RMDN3: variants seen among roughly 807,000 people sequenced by gnomAD.
The protein encoded by RMDN3 is regulator of microtubule dynamics 3.
A neutral mutation model predicts 61.8 loss-of-function variants in RMDN3; 41 were observed. The observed-to-expected ratio is 0.66, with a 90% CI of 0.52 to 0.86. RMDN3 has a LOEUF of 0.86. Among genes scored for constraint, RMDN3 ranks in the 40% least tolerant of loss-of-function variants. The probability of loss-of-function intolerance (pLI) is 0.00; values close to 1 mark genes in which losing one functional copy is unlikely to be tolerated. For missense variants in RMDN3, 557 were observed against 585.3 expected (o/e 0.95, Z 0.50); for synonymous variants, 247 against 232.0 (o/e 1.06, Z -0.59).
chr15:40,737,778 C>G, intron 9 of RMDN3, 52 bp from the exon 10 acceptor site: 1 of 1,567,220 alleles, frequency 6.4e-7, no homozygotes, highest in Non-Finnish European at 8.7e-7. Context: ...GGTTTTTTTT[C>G]TTTAAATCTT....
At chr15:40,739,261 A>T (rs1403949642) in intron 7 of RMDN3, 2 of 152,244 alleles carry the variant, frequency 1.3e-5, no homozygotes, top group Non-Finnish European at 2.9e-5. Flanking sequence ...TTCGATGAGT[A>T]ACCAGCCCAA....
At chr15:40,738,737 G>A (rs1199319099) in intron 7 of RMDN3, 161 bp from the exon 8 acceptor site, 14 of 658,924 alleles carry the variant, frequency 2.1e-5, no homozygotes, top group African/African-American at 5.4e-5. Context: ...CATTCTTTAC[G>A]GACCTCTGGC....
intron 4 of RMDN3, among the ~76,000 whole-genome samples, chr15:40,748,627 T>TAAAGA (rs1452710438): frequency 6.6e-6 from 1 of 152,046 alleles, no homozygotes; most frequent in Non-Finnish European, 1.5e-5. Flanking sequence ...TGGGATGGAG[T>TAAAGA]CTTTCTCTGT....
intron 7 of RMDN3, 138 bp downstream of exon 7, chr15:40,739,995 C>G (rs1250699647): frequency 1.5e-6 from 1 of 675,376 alleles, no homozygotes; most frequent in Non-Finnish European, 2.7e-6. Context: ...TAGACTGAGG[C>G]ATGTGGAGAT....
rs771134109 is a variant in RMDN3 at position 40,745,133 on chromosome 15, T to C, written c.651A>G (p.Glu217=). Residue 217 remains glutamate, a synonymous_variant, in exon 5 of 13, where the codon GAA becomes GAG. Transcript: ENST00000338376. ...CACTGGAGGCACCTGAAGCTGCCTCTTCCTCCAAGTCAAGAGAATCCTTTC... is the reference window on the plus strand; with the variant it reads ...CACTGGAGGCACCTGAAGCTGCCTCCTCCTCCAAGTCAAGAGAATCCTTTC... ...MGRKDSLDLE[E]EAASGASSAL... The C allele has an allele frequency of 1.3e-5, 21 of 1,614,036 alleles. No homozygotes were observed. In the African/African-American group the frequency reaches 2.5e-4, roughly 19 times the overall value.
intron 4 of RMDN3, among the ~76,000 whole-genome samples, chr15:40,748,131 G>A (rs1897654184): frequency 6.6e-6 from 1 of 152,158 alleles, no homozygotes; most frequent in Admixed American, 6.5e-5. Context: ...TCAATCTCCT[G>A]AGACCTCAAA....
intron 4 of RMDN3, among the ~76,000 whole-genome samples, chr15:40,749,544 T>C (rs1157861116): frequency 6.6e-6 from 1 of 152,020 alleles, no homozygotes; most frequent in Non-Finnish European, 1.5e-5. Flanking sequence ...ACAAAAACAG[T>C]TGTGAAGGGC....
chr15:40,748,959 A>C (rs1275151928), intron 4 of RMDN3, among the ~76,000 whole-genome samples: 1 of 150,698 alleles, frequency 6.6e-6, no homozygotes, highest in Non-Finnish European at 1.5e-5. Context: ...GCTGGAGTGC[A>C]GTGGTGCCAT....
intron 2 of RMDN3, among the ~76,000 whole-genome samples, chr15:40,753,653 T>C (rs766868902): frequency 1.3e-5 from 2 of 152,256 alleles, no homozygotes; most frequent in African/African-American, 2.4e-5. Context: ...ATTTCAGCTG[T>C]ACAGGCTGCC....
chr15:40,738,836 ATC>A (rs1897168816), intron 7 of RMDN3: 2 of 528,888 alleles, frequency 3.8e-6, no homozygotes, highest in Non-Finnish European at 6.8e-6. Context: ...ACCACAGTAA[ATC>A]TCTCTTACAC....
chr15:40,742,588 A>G (rs1335412572), intron 6 of RMDN3, among the ~76,000 whole-genome samples: 1 of 152,240 alleles, frequency 6.6e-6, no homozygotes, highest in Non-Finnish European at 1.5e-5. Flanking sequence ...AATAAACTTT[A>G]TACCCAGTAA....
Position 40,745,048 on chromosome 15 carries a change from C to G in RMDN3, c.736G>C (p.Asp246His). Residue 246 changes from aspartate to histidine, a missense_variant, in exon 5 of 13, where the codon GAC becomes CAC. By Grantham distance (81) the Asp-to-His change is moderately conservative (BLOSUM62 -1). Transcript: ENST00000338376. ...EDVLPLLQQADELHRGDEQGK... is the reference protein window; with the variant it reads ...EDVLPLLQQAHELHRGDEQGK... ...TGCTCATCACCCCTGTGCAGCTCGT[C>G]GGCCTGCTGCAGGAGGGGCAGCACA... 6.2e-7 allele frequency: 1 copy of G among 1,614,090 alleles called. No individual in the cohort carries two copies. The highest frequency in any genetic ancestry group is 2.2e-5 in the East Asian group (1 of 44,874).
chr15:40,738,522 G>T lies in RMDN3; in HGVS notation c.1026C>A (p.Ile342=). The T allele has an allele frequency of 6.2e-7, 1 of 1,614,146 alleles. No homozygotes were observed. ...LAEHESIQRR[I]QSGFSFKEHV... ...TCACCTTGAAGCTAAAGCCACTCTGGATGCGCCTCTGGATGCTCTCATGCT... is the reference window on the plus strand; with the variant it reads ...TCACCTTGAAGCTAAAGCCACTCTGTATGCGCCTCTGGATGCTCTCATGCT... Residue 342 remains isoleucine (I), a synonymous_variant, in exon 8 of 13, where the codon ATC becomes ATA. Transcript: ENST00000338376.
At chr15:40,749,592 C>CT (rs1283894816) in intron 4 of RMDN3, among the ~76,000 whole-genome samples, 3 of 152,218 alleles carry the variant, frequency 2.0e-5, no homozygotes, top group Admixed American at 6.5e-5. Flanking sequence ...GCTGTGACCT[C>CT]TCCTTCTGTT....
intron 5 of RMDN3, 113 bp from the exon 6 acceptor site, chr15:40,744,262 C>T: frequency 1.1e-6 from 1 of 897,172 alleles, no homozygotes; most frequent in South Asian, 1.4e-5. Context: ...ATGTTACAGT[C>T]ATCAATATCA....
In RMDN3 at chr15:40,745,131, T is replaced by G; in HGVS notation, c.653A>C (p.Glu218Ala). The change falls in exon 5 of 13, where the codon GAG becomes GCG. Residue 218 changes from glutamate to alanine, a missense_variant. Glu to Ala is a moderately radical substitution (Grantham distance 107). Coordinates refer to ENST00000338376, the MANE Select transcript of RMDN3 (RefSeq NM_018145.3). ...GGCACTGGAGGCACCTGAAGCTGCC[T>G]CTTCCTCCAAGTCAAGAGAATCCTT... ...GRKDSLDLEE[E>A]AASGASSALE... The G allele has an allele frequency of 6.2e-7, 1 of 1,614,192 alleles. No individual in the cohort carries two copies. Among genetic ancestry groups the G allele is most frequent in the African/African-American group, 1.3e-5 (1 of 75,036 alleles).
At chr15:40,737,918 C>G in intron 9 of RMDN3, 47 bp downstream of exon 9, 8 of 1,597,486 alleles carry the variant, frequency 5.0e-6, no homozygotes, top group Non-Finnish European at 6.9e-6. Context: ...AAATCGGTGT[C>G]AGAAGGCATT....
At chr15:40,742,033 T>G (rs1291389233) in intron 6 of RMDN3, among the ~76,000 whole-genome samples, 3 of 152,072 alleles carry the variant, frequency 2.0e-5, no homozygotes, top group Non-Finnish European at 2.9e-5. Flanking sequence ...TTCCTTTTTT[T>G]ATTTGAGACA....
At chr15:40,748,321 A>G (rs1897664307) in intron 4 of RMDN3, among the ~76,000 whole-genome samples, 1 of 152,212 alleles carries the variant, frequency 6.6e-6, no homozygotes, top group South Asian at 2.1e-4. Context: ...TGACCATGGC[A>G]CAAAGAATCA....
Sources: allele counts gnomAD v4.1 joint callset (sites outside exome capture counted in the v4.1 genomes callset), GRCh38; gene constraint gnomAD v4.1.1; transcripts MANE v1.5; gene names NCBI Gene and HGNC (gene_info 2026-07-23, HGNC 2026-07-21).